Variants in RIPOR3 observed in about 807,000 individuals in gnomAD.
RIPOR3 encodes family with sequence similarity 65 member C.
A neutral mutation model predicts 114.3 loss-of-function variants in RIPOR3; 95 were observed. The ratio of observed to expected loss-of-function variants is 0.83; its 90% confidence interval spans 0.70 to 0.99. The LOEUF is 0.99. Among genes scored for constraint, RIPOR3 ranks in the 50% least tolerant of loss-of-function variants. The pLI, the probability that RIPOR3 is intolerant of heterozygous loss-of-function variation, is 0.00. For synonymous variants in RIPOR3, 575 were observed against 543.8 expected, an observed-to-expected ratio of 1.06 and a Z score of -0.80; for missense variants, 1,252 against 1,266.9, an observed-to-expected ratio of 0.99 and a Z score of 0.18.
chr20:50,656,250 G>T (rs573367879), intron 1 of RIPOR3, among the ~76,000 whole-genome samples: 3 of 151,680 alleles, frequency 2.0e-5, no homozygotes, highest in African/African-American at 7.3e-5. Flanking sequence ...CTTTGGAGTC[G>T]AGGGGCCTGG....
chr20:50,595,314 T>G, intron 16 of RIPOR3, 55 bp downstream of exon 16: 2 of 1,589,624 alleles, frequency 1.3e-6, no homozygotes, highest in East Asian at 4.5e-5. Context: ...CGAGCTTTGA[T>G]CCCGTCCCCG....
At chr20:50,612,436 T>C (rs988107254) in intron 4 of RIPOR3, among the ~76,000 whole-genome samples, 1 of 152,208 alleles carries the variant, frequency 6.6e-6, no homozygotes, top group Non-Finnish European at 1.5e-5. Flanking sequence ...ATAGTGACTC[T>C]AATTTTCACT....
chr20:50,654,914 T>C (rs772317511), intron 1 of RIPOR3, among the ~76,000 whole-genome samples: 16 of 152,084 alleles, frequency 1.1e-4, no homozygotes, highest in Non-Finnish European at 1.6e-4. Context: ...CCAGCTACTT[T>C]TTGTATTTTT....
intron 17 of RIPOR3, among the ~76,000 whole-genome samples, chr20:50,593,509 T>C (rs1261519920): frequency 6.6e-6 from 1 of 151,838 alleles, no homozygotes; most frequent in Non-Finnish European, 1.5e-5. Context: ...AGGTGGAGGT[T>C]GTAGTGAGCC....
intron 2 of RIPOR3, among the ~76,000 whole-genome samples, chr20:50,629,547 C>T (rs560537621): frequency 6.6e-6 from 1 of 152,172 alleles, no homozygotes. Flanking sequence ...AGACACAGGA[C>T]GGGGCAGCAG....
At chr20:50,591,097 G>T (rs1351263517) in intron 19 of RIPOR3, among the ~76,000 whole-genome samples, 1 of 152,088 alleles carries the variant, frequency 6.6e-6, no homozygotes, top group Non-Finnish European at 1.5e-5. Context: ...CAAATTAATT[G>T]CAAGCAGAGA....
chr20:50,659,513 G>A (rs1397624664), intron 1 of RIPOR3, among the ~76,000 whole-genome samples: 3 of 151,874 alleles, frequency 2.0e-5, no homozygotes, highest in East Asian at 3.9e-4. Context: ...CAGGCGTGGT[G>A]GCAGGCACCT....
chr20:50,606,708 C>A (rs1327118380), intron 11 of RIPOR3, among the ~76,000 whole-genome samples: 1 of 148,854 alleles, frequency 6.7e-6, no homozygotes, highest in East Asian at 2.1e-4. Flanking sequence ...CACTCCCACC[C>A]TGTGGAGTGC....
rs746935844 is a variant in RIPOR3 at position 50,608,448 on chromosome 20, G to A, written c.897C>T (p.Val299=). ...IADFFTTRPQ[V]IVVDITELGT... ...CCAACTCCGTGATGTCCACCACGAT[G>A]ACCTGCGGCCGCGTCGTGAAGAAGT... is the stretch of plus-strand genomic sequence containing the variant. The change falls in exon 11 of 22, where the codon GTC becomes GTT. Residue 299 remains valine, a synonymous_variant. Coordinates refer to ENST00000327979, the MANE Select transcript of RIPOR3 (RefSeq NM_001290268.2). The A allele has an allele frequency of 1.2e-6, 2 of 1,614,028 alleles. No homozygotes were observed. Among genetic ancestry groups the A allele is most frequent in the Middle Eastern group, 1.6e-4 (1 of 6,062 alleles).
rs34461981 is a variant in RIPOR3, at chr20:50,609,376, G to A, written c.577-20C>T. On this transcript the variant is annotated intron_variant, in intron 7 of 21. Coordinates refer to ENST00000327979, the MANE Select transcript of RIPOR3 (RefSeq NM_001290268.2). ...CATGTCCTGCAAAGCCCCGGAGGTGGCTCAGCTGGCTGCCTGGGGCTAGGC... is the reference window on the plus strand; with the variant it reads ...CATGTCCTGCAAAGCCCCGGAGGTGACTCAGCTGGCTGCCTGGGGCTAGGC... The A allele has an allele frequency of 0.078, 125,254 of 1,610,336 alleles. 5,275 individuals carry two copies. Among genetic ancestry groups the A allele is most frequent in the Non-Finnish European group, 0.087 (102,581 of 1,178,024 alleles).
At chr20:50,636,017 C>T (rs2084973590) in intron 1 of RIPOR3, among the ~76,000 whole-genome samples, 2 of 152,260 alleles carry the variant, frequency 1.3e-5, no homozygotes, top group African/African-American at 4.8e-5. Context: ...CAGCCCCAGC[C>T]CCTGTGGGCC....
chr20:50,686,095 G>A (rs1356864963), intron 1 of RIPOR3, among the ~76,000 whole-genome samples: 1 of 151,926 alleles, frequency 6.6e-6, no homozygotes, highest in Non-Finnish European at 1.5e-5. Flanking sequence ...TCGCTCTGTT[G>A]CCCCAGGCTG....
At chr20:50,642,181 G>A (rs964050810) in intron 1 of RIPOR3, among the ~76,000 whole-genome samples, 24 of 151,994 alleles carry the variant, frequency 1.6e-4, no homozygotes, top group African/African-American at 4.1e-4. Context: ...TAGGTTTACC[G>A]GCTTCCCAAT....
intron 4 of RIPOR3, among the ~76,000 whole-genome samples, chr20:50,613,401 G>A (rs1197386188): frequency 6.6e-6 from 1 of 151,932 alleles, no homozygotes; most frequent in Non-Finnish European, 1.5e-5. Flanking sequence ...TGCAGTGAAT[G>A]GAGATCGTGA....
At chr20:50,652,129 AGCCTGAGGCCAAG>A (rs1479730223) in intron 1 of RIPOR3, among the ~76,000 whole-genome samples, 1 of 152,178 alleles carries the variant, frequency 6.6e-6, no homozygotes, top group Admixed American at 6.5e-5. Context: ...ATCTACATGA[AGCCTGAGGCCAAG>A]GCCTTACACC....
At chr20:50,684,101 A>T (rs2123624412) in intron 1 of RIPOR3, among the ~76,000 whole-genome samples, 1 of 151,998 alleles carries the variant, frequency 6.6e-6, no homozygotes, top group East Asian at 1.9e-4. Context: ...ATAAATCCCT[A>T]CCTTCAGGAA....
intron 2 of RIPOR3, among the ~76,000 whole-genome samples, chr20:50,627,400 C>T (rs1467008131): frequency 6.6e-6 from 1 of 150,554 alleles, no homozygotes; most frequent in Non-Finnish European, 1.5e-5. Flanking sequence ...ATCCCAGCTA[C>T]TCAGGAGGCT....
intron 1 of RIPOR3, among the ~76,000 whole-genome samples, chr20:50,651,390 T>C (rs6126061): frequency 0.47 from 71,758 of 152,062 alleles, 18,909 homozygotes; most frequent in African/African-American, 0.72. Flanking sequence ...TGCCAGACTC[T>C]GGACCAACAC....
chr20:50,674,002 G>A (rs117613890), intron 1 of RIPOR3, among the ~76,000 whole-genome samples: 3,933 of 152,280 alleles, frequency 0.026, 71 homozygotes, highest in Non-Finnish European at 0.043. Context: ...CAGGAGTCAT[G>A]CTGCTTTCAA....
Sources: allele counts gnomAD v4.1 joint callset (sites outside exome capture counted in the v4.1 genomes callset), GRCh38; gene constraint gnomAD v4.1.1; transcripts MANE v1.5; gene names NCBI Gene and HGNC (gene_info 2026-07-23, HGNC 2026-07-21).